Variants in ZFAND3 observed in about 807,000 individuals in gnomAD.
ZFAND3 encodes the protein AN1-type zinc finger protein 3.
ZFAND3 carries 10 observed loss-of-function variants against 29.6 expected under a neutral mutation model. That is an observed-to-expected ratio of 0.34 (90% confidence interval 0.21 to 0.57). ZFAND3 has a LOEUF of 0.57. ZFAND3 is among the 20% of genes least tolerant of loss of function. ZFAND3 has a pLI of 0.86. For missense variants in ZFAND3, 230 were observed against 304.5 expected (o/e 0.76, Z 1.82); for synonymous variants, 128 against 112.6 (o/e 1.14, Z -0.87).
At chr6:38,084,125 T>C (rs1333545292) in intron 4 of ZFAND3, among the ~76,000 whole-genome samples, 1 of 152,206 alleles carries the variant, frequency 6.6e-6, no homozygotes, top group Non-Finnish European at 1.5e-5. Flanking sequence ...TGCGCTGTTT[T>C]CCCCTATATC....
At chr6:37,891,378 C>CAG (rs1361954620) in intron 1 of ZFAND3, among the ~76,000 whole-genome samples, 1 of 145,262 alleles carries the variant, frequency 6.9e-6, no homozygotes, top group Non-Finnish European at 1.5e-5. Context: ...GCAAAACTGA[C>CAG]AGAAATGGAT....
chr6:38,147,019 G>A (rs1481117454), intron 5 of ZFAND3, among the ~76,000 whole-genome samples: 1 of 152,164 alleles, frequency 6.6e-6, no homozygotes, highest in Admixed American at 6.5e-5. Flanking sequence ...GGGTTAGGGT[G>A]TCTGTCACCC....
At chr6:37,848,989 T>C (rs555818957) in intron 1 of ZFAND3, among the ~76,000 whole-genome samples, 147 of 152,294 alleles carry the variant, frequency 9.7e-4, no homozygotes, top group Non-Finnish European at 1.7e-3. Flanking sequence ...TGTTTTTCTG[T>C]GGAAGGGGAA....
intron 1 of ZFAND3, among the ~76,000 whole-genome samples, chr6:37,855,925 A>G (rs941308653): frequency 1.3e-5 from 2 of 152,148 alleles, no homozygotes; most frequent in African/African-American, 4.8e-5. Flanking sequence ...GACGTTGCAT[A>G]CAAGGGTGAT....
intron 1 of ZFAND3, among the ~76,000 whole-genome samples, chr6:37,845,608 G>A (rs533439735): frequency 2.6e-5 from 4 of 152,308 alleles, no homozygotes; most frequent in African/African-American, 9.6e-5. Context: ...GTAACTTGCA[G>A]CATTTAGGAA....
rs1766313947 is a variant in ZFAND3, at chr6:38,154,599, A to G, written c.*2210A>G. 2.1e-6 allele frequency: 2 copies of G among 959,594 alleles called. No individual in the cohort carries two copies. The highest frequency in any genetic ancestry group is 6.2e-5 in the Admixed American group (1 of 16,240). 59.4% of individuals were successfully genotyped at this position (959,594 alleles called of 1,614,324 possible). A position where few individuals can be genotyped will look rare whatever the true frequency, so the allele number is the denominator to read the frequency against. ...TTTATTCTTTTTTCTCCTGCTGAAA[A>G]AAAAAATTAAACCAATCGTATGAAA... is the stretch of plus-strand genomic sequence containing the variant. On this transcript the variant is annotated 3_prime_UTR_variant, in exon 6 of 6. Transcript: ENST00000287218.
chr6:38,112,570 A>G (rs1765340642), intron 4 of ZFAND3, among the ~76,000 whole-genome samples: 1 of 152,262 alleles, frequency 6.6e-6, no homozygotes, highest in Admixed American at 6.5e-5. Context: ...CTTCACGGTA[A>G]CAGGGAATGA....
At chr6:37,849,402 A>G (rs557609432) in intron 1 of ZFAND3, among the ~76,000 whole-genome samples, 24 of 152,080 alleles carry the variant, frequency 1.6e-4, no homozygotes, top group African/African-American at 5.5e-4. Flanking sequence ...TAGTATTTTT[A>G]TTATTTTTCT....
At chr6:38,011,377 C>T (rs998760953) in intron 2 of ZFAND3, among the ~76,000 whole-genome samples, 1 of 152,116 alleles carries the variant, frequency 6.6e-6, no homozygotes, top group Non-Finnish European at 1.5e-5. Context: ...TAAGAAACTG[C>T]CAAACTGTTT....
chr6:37,896,253 A>G (rs1348538331), intron 1 of ZFAND3, among the ~76,000 whole-genome samples: 3 of 152,054 alleles, frequency 2.0e-5, no homozygotes, highest in African/African-American at 7.2e-5. Context: ...TTGTTTTACA[A>G]AAAACCGTGG....
chr6:38,141,830 C>T (rs1765962957), intron 5 of ZFAND3, among the ~76,000 whole-genome samples: 2 of 152,284 alleles, frequency 1.3e-5, no homozygotes, highest in African/African-American at 2.4e-5. Context: ...TCAGCTGCAC[C>T]GTGTAGGGCA....
chr6:37,862,052 C>CA (rs1181685552), intron 1 of ZFAND3, among the ~76,000 whole-genome samples: 1 of 152,070 alleles, frequency 6.6e-6, no homozygotes, highest in Non-Finnish European at 1.5e-5. Flanking sequence ...AAAATGTGCT[C>CA]AAAGAGGAAA....
intron 2 of ZFAND3, among the ~76,000 whole-genome samples, chr6:37,967,101 T>C (rs979785246): frequency 6.6e-6 from 1 of 152,238 alleles, no homozygotes; most frequent in African/African-American, 2.4e-5. Flanking sequence ...TGCTGGGCTT[T>C]AGTACTGTAA....
At chr6:38,084,966 A>G (rs1394930315) in intron 4 of ZFAND3, among the ~76,000 whole-genome samples, 1 of 152,216 alleles carries the variant, frequency 6.6e-6, no homozygotes, top group Non-Finnish European at 1.5e-5. Flanking sequence ...CTGACTCTAA[A>G]GGACAGAGCT....
chr6:38,140,518 C>T (rs1562014192), intron 5 of ZFAND3, among the ~76,000 whole-genome samples: 1 of 152,142 alleles, frequency 6.6e-6, no homozygotes, highest in Non-Finnish European at 1.5e-5. Flanking sequence ...GAGACAGGGT[C>T]TTGGTCTTTT....
intron 1 of ZFAND3, among the ~76,000 whole-genome samples, chr6:37,843,153 A>G (rs1764110447): frequency 6.6e-6 from 1 of 150,692 alleles, no homozygotes; most frequent in Admixed American, 6.7e-5. Context: ...TAATTTCTTA[A>G]GCCCACTGTG....
At chr6:38,043,801 C>CTTGCTTAT (rs1554169340) in intron 2 of ZFAND3, among the ~76,000 whole-genome samples, 1 of 150,230 alleles carries the variant, frequency 6.7e-6, no homozygotes, top group African/African-American at 2.5e-5. Flanking sequence ...TGCTCGCTTG[C>CTTGCTTAT]TTATTTATTT....
intron 2 of ZFAND3, among the ~76,000 whole-genome samples, chr6:37,995,459 G>C (rs1762834072): frequency 6.6e-6 from 1 of 152,110 alleles, no homozygotes; most frequent in African/African-American, 2.4e-5. Flanking sequence ...GGTTCTGGAG[G>C]TTCTAGAATA....
chr6:37,873,269 CA>C (rs941943106), intron 1 of ZFAND3, among the ~76,000 whole-genome samples: 4 of 150,338 alleles, frequency 2.7e-5, no homozygotes, highest in African/African-American at 9.8e-5. Flanking sequence ...GACTCCGTCT[CA>C]AAAAAAAAGA....
Sources: allele counts gnomAD v4.1 joint callset (sites outside exome capture counted in the v4.1 genomes callset), GRCh38; gene constraint gnomAD v4.1.1; transcripts MANE v1.5; gene names NCBI Gene and HGNC (gene_info 2026-07-23, HGNC 2026-07-21).